Variants in FAM20B observed in about 807,000 individuals in gnomAD.
FAM20B encodes the protein glycosaminoglycan xylosylkinase.
In FAM20B, 23 loss-of-function variants were observed where a neutral mutation model predicts 43.8. The observed-to-expected ratio is 0.53, with a 90% CI of 0.38 to 0.74. The LOEUF is 0.74. FAM20B is among the 30% of genes least tolerant of loss of function. The probability of loss-of-function intolerance (pLI) is 0.00; values close to 1 mark genes in which losing one functional copy is unlikely to be tolerated. For missense variants in FAM20B, 440 were observed against 510.5 expected (o/e 0.86, Z 1.33); for synonymous variants, 178 against 192.4 (o/e 0.93, Z 0.62).
the FAM20B span, among the ~76,000 whole-genome samples, chr1:179,018,771 C>T: frequency 6.6e-6 from 1 of 152,132 alleles, no homozygotes; most frequent in South Asian, 2.1e-4. Context: ...AGAAACAGAA[C>T]CAATAGGATC....
At chr1:179,023,384 G>C (rs921732586), upstream of FAM20B, among the ~76,000 whole-genome samples, 2 of 152,206 alleles carry the variant, frequency 1.3e-5, no homozygotes, top group African/African-American at 4.8e-5. Context: ...TGGGAACAAG[G>C]AAGAAGGGCA....
chr1:179,043,887 C>G lies in FAM20B; in HGVS notation c.40C>G (p.Leu14Val). 6.2e-7 allele frequency: 1 copy of G among 1,609,264 alleles called. No homozygotes were observed. Among genetic ancestry groups the G allele is most frequent in the Non-Finnish European group, 8.5e-7 (1 of 1,175,842 alleles). ...GCGAGTCGTGCTGTTAGCAATTCTC[C>G]TTGTCATTTTTATCTTCACCAAAGT... ...KQRVVLLAIL[L>V]VIFIFTKVFL... The change falls in exon 2 of 8, where the codon CTT (leucine) becomes GTT (valine). Residue 14 changes from leucine to valine, a missense_variant. Coordinates refer to ENST00000263733, the MANE Select transcript of FAM20B (RefSeq NM_014864.4).
chr1:179,017,341 G>T, the FAM20B span, among the ~76,000 whole-genome samples: 1 of 152,232 alleles, frequency 6.6e-6, no homozygotes, highest in East Asian at 1.9e-4. Flanking sequence ...CTCAGCTCCT[G>T]TTGGTTTCAA....
At chr1:179,035,492 A>T in intron 1 of FAM20B, 1 of 689,206 alleles carries the variant, frequency 1.5e-6, no homozygotes, top group Non-Finnish European at 2.7e-6. Context: ...ACGCTGCTTC[A>T]GAAATGTCCC....
chr1:179,029,677 A>G (rs991243911), intron 1 of FAM20B, among the ~76,000 whole-genome samples: 1 of 152,246 alleles, frequency 6.6e-6, no homozygotes, highest in African/African-American at 2.4e-5. Flanking sequence ...AGGTCAAGGA[A>G]TATGAAATTA....
chr1:179,070,916 C>A (rs189008171), intron 7 of FAM20B, among the ~76,000 whole-genome samples: 3 of 152,108 alleles, frequency 2.0e-5, no homozygotes, highest in Admixed American at 6.5e-5. Flanking sequence ...GATACTGTTA[C>A]AATGGCAATT....
intron 6 of FAM20B, among the ~76,000 whole-genome samples, chr1:179,064,874 G>A (rs370549690): frequency 9.9e-5 from 15 of 152,124 alleles, no homozygotes; most frequent in East Asian, 9.6e-4. Flanking sequence ...CTATCCAAAG[G>A]TTCCTGCAAT....
At chr1:179,023,376 G>C (rs1350794903), upstream of FAM20B, among the ~76,000 whole-genome samples, 1 of 152,144 alleles carries the variant, frequency 6.6e-6, no homozygotes, top group African/African-American at 2.4e-5. Flanking sequence ...TTGCAGTTTG[G>C]GAACAAGGAA....
chr1:179,034,826 C>T (rs150039747), intron 1 of FAM20B, among the ~76,000 whole-genome samples: 180 of 152,292 alleles, frequency 1.2e-3, no homozygotes, highest in African/African-American at 4.3e-3. Flanking sequence ...CTAAGCATTT[C>T]CTTTGTGGTG....
upstream of FAM20B, among the ~76,000 whole-genome samples, chr1:179,023,436 T>C (rs1649638578): frequency 2.0e-5 from 3 of 152,162 alleles, no homozygotes; most frequent in South Asian, 6.2e-4. Context: ...ATACATCGTA[T>C]GAGTGGTAAA....
rs767960263 is a variant in FAM20B, at chr1:179,064,068, G to T, written c.716G>T (p.Gly239Val). The T allele has an allele frequency of 6.2e-7, 1 of 1,612,596 alleles. No individual in the cohort carries two copies. Reference protein sequence around the residue: ...WPLQKHRHPWGRTYREGKLAR... With the variant: ...WPLQKHRHPWVRTYREGKLAR... The stretch of plus-strand genomic sequence containing the variant: ...CTGCAGAAGCACCGTCACCCATGGG[G>T]CAGGACTTACCGAGAAGGCAAATTG... Residue 239 changes from glycine to valine, a missense_variant, in exon 5 of 8, where the codon GGC becomes GTC. Gly to Val is a moderately radical substitution (Grantham distance 109, BLOSUM62 -3). Coordinates refer to ENST00000263733, the MANE Select transcript of FAM20B (RefSeq NM_014864.4).
intron 1 of FAM20B, among the ~76,000 whole-genome samples, chr1:179,038,448 C>T (rs928169277): frequency 2.6e-5 from 4 of 151,748 alleles, no homozygotes; most frequent in African/African-American, 9.7e-5. Context: ...ATGGGTTAAC[C>T]AGACTTTAGT....
At chr1:179,033,460 A>G (rs896877714) in intron 1 of FAM20B, among the ~76,000 whole-genome samples, 2 of 152,224 alleles carry the variant, frequency 1.3e-5, no homozygotes, top group African/African-American at 4.8e-5. Flanking sequence ...TGACCTAACA[A>G]TTTATCAAAC....
chr1:179,025,413 G>A (rs935980511), upstream of FAM20B, among the ~76,000 whole-genome samples: 1 of 152,136 alleles, frequency 6.6e-6, no homozygotes, highest in Admixed American at 6.5e-5. Flanking sequence ...CAAAAGAAGC[G>A]GGGGATACAT....
intron 1 of FAM20B, among the ~76,000 whole-genome samples, chr1:179,030,878 C>CAA (rs11321294): frequency 7.8e-6 from 1 of 127,922 alleles, no homozygotes; most frequent in Admixed American, 7.9e-5. Context: ...ACAGATGTGC[C>CAA]AAAAAAAAAA....
At chr1:179,018,074 G>A in the FAM20B span, among the ~76,000 whole-genome samples, 1 of 152,198 alleles carries the variant, frequency 6.6e-6, no homozygotes, top group Non-Finnish European at 1.5e-5. Context: ...CATCAAAGAG[G>A]ATAATTCCAG....
chr1:179,055,372 G>A (rs192531014), intron 4 of FAM20B, among the ~76,000 whole-genome samples: 2 of 152,304 alleles, frequency 1.3e-5, no homozygotes, highest in East Asian at 3.9e-4. Flanking sequence ...TGTTGAAACA[G>A]ACATTGCAAG....
chr1:179,025,312 A>G (rs1259372163), upstream of FAM20B, among the ~76,000 whole-genome samples: 1 of 152,246 alleles, frequency 6.6e-6, no homozygotes, highest in Non-Finnish European at 1.5e-5. Context: ...ATTTTGTGAG[A>G]TGCTCCTGAA....
chr1:179,021,989 G>A (rs1384490360), upstream of FAM20B, among the ~76,000 whole-genome samples: 1 of 152,216 alleles, frequency 6.6e-6, no homozygotes, highest in East Asian at 1.9e-4. Flanking sequence ...TGGGTGTGCT[G>A]TGTATGTATG....
Sources: allele counts gnomAD v4.1 joint callset (sites outside exome capture counted in the v4.1 genomes callset), GRCh38; gene constraint gnomAD v4.1.1; transcripts MANE v1.5; gene names NCBI Gene and HGNC (gene_info 2026-07-23, HGNC 2026-07-21).